Variants in NUP214 observed in about 807,000 individuals in gnomAD.
NUP214 encodes the protein nuclear pore complex protein Nup214.
Under a neutral mutation model 196.2 loss-of-function variants are expected in NUP214, and 79 were observed. The observed-to-expected ratio is 0.40, with a 90% CI of 0.34 to 0.49. The LOEUF is 0.49. Among genes scored for constraint, NUP214 ranks in the 20% least tolerant of loss-of-function variants. NUP214 has a pLI of 0.58. For missense variants in NUP214, 2,468 were observed against 2,539.0 expected (o/e 0.97, Z 0.60); for synonymous variants, 1,020 against 990.5 (o/e 1.03, Z -0.56).
At chr9:131,160,117 C>T (rs1042520772) in intron 18 of NUP214, among the ~76,000 whole-genome samples, 4 of 151,422 alleles carry the variant, frequency 2.6e-5, no homozygotes, top group Non-Finnish European at 5.9e-5. Flanking sequence ...CTAGCATGTT[C>T]TCCAATAAAT....
intron 21 of NUP214, among the ~76,000 whole-genome samples, chr9:131,166,374 ATTTAC>A (rs1832786936): frequency 6.6e-6 from 1 of 152,168 alleles, no homozygotes; most frequent in Admixed American, 6.5e-5. Flanking sequence ...GATTTATGTA[ATTTAC>A]TTATTCATTC....
intron 4 of NUP214, 51 bp downstream of exon 4, chr9:131,129,528 TAAG>T (rs1436787939): frequency 2.6e-6 from 4 of 1,532,554 alleles, no homozygotes; most frequent in Middle Eastern, 1.7e-4. Context: ...GTCATCTACT[TAAG>T]AATTGATTTC....
intron 17 of NUP214, among the ~76,000 whole-genome samples, chr9:131,154,327 C>T (rs952694626): frequency 1.3e-5 from 2 of 152,034 alleles, no homozygotes; most frequent in African/African-American, 4.8e-5. Flanking sequence ...ACCCATCATC[C>T]AAGCAGTGTA....
intron 18 of NUP214, among the ~76,000 whole-genome samples, chr9:131,160,448 CAT>C (rs1177326143): frequency 6.6e-6 from 1 of 152,108 alleles, no homozygotes; most frequent in Non-Finnish European, 1.5e-5. Flanking sequence ...AACCTTTTAG[CAT>C]AGTTTTTTAT....
chr9:131,224,931 T>C (rs1462382389), intron 32 of NUP214, among the ~76,000 whole-genome samples: 1 of 152,232 alleles, frequency 6.6e-6, no homozygotes, highest in Non-Finnish European at 1.5e-5. Context: ...CTTAACGGTT[T>C]TCCTATATAT....
intron 31 of NUP214, among the ~76,000 whole-genome samples, chr9:131,217,376 T>G (rs1834433022): frequency 6.6e-6 from 1 of 152,226 alleles, no homozygotes; most frequent in South Asian, 2.1e-4. Flanking sequence ...TCTAGTAGTT[T>G]TCAAAAACTG....
intron 32 of NUP214, among the ~76,000 whole-genome samples, chr9:131,223,662 C>T (rs71501192): frequency 2.1e-5 from 3 of 142,116 alleles, no homozygotes; most frequent in African/African-American, 7.8e-5. Flanking sequence ...TGTTTAATTT[C>T]TAATGTGTAT....
At chr9:131,219,817 T>C (rs1438688799) in intron 31 of NUP214, among the ~76,000 whole-genome samples, 1 of 152,228 alleles carries the variant, frequency 6.6e-6, no homozygotes, top group Non-Finnish European at 1.5e-5. Flanking sequence ...TCTACAACTG[T>C]TCTTTAAGAA....
intron 27 of NUP214, among the ~76,000 whole-genome samples, chr9:131,193,424 C>T (rs1833668665): frequency 1.3e-5 from 2 of 151,702 alleles, no homozygotes; most frequent in Admixed American, 1.3e-4. Flanking sequence ...TGTCCTTCAG[C>T]CTAAGGAGAA....
intron 10 of NUP214, among the ~76,000 whole-genome samples, chr9:131,140,267 C>T (rs1831867192): frequency 6.6e-6 from 1 of 152,196 alleles, no homozygotes; most frequent in African/African-American, 2.4e-5. Flanking sequence ...CTGAGACACT[C>T]ATAAAAACTG....
chr9:131,140,803 G>A, intron 11 of NUP214, 93 bp downstream of exon 11: 1 of 1,280,776 alleles, frequency 7.8e-7, no homozygotes, highest in South Asian at 1.4e-5. Context: ...GACACATAGT[G>A]ATTATCTTTA....
chr9:131,149,967 C>T (rs889321112), intron 14 of NUP214: 5 of 164,206 alleles, frequency 3.0e-5, no homozygotes, highest in African/African-American at 7.2e-5. Flanking sequence ...GATGGCAGCC[C>T]GCAGTGAGGG....
intron 14 of NUP214, among the ~76,000 whole-genome samples, chr9:131,149,421 C>A (rs1162113521): frequency 2.7e-5 from 4 of 150,120 alleles, no homozygotes; most frequent in Admixed American, 6.7e-5. Flanking sequence ...ACTAACAAAC[C>A]AGATGTTTGC....
At chr9:131,138,834 A>C (rs1296204295) in intron 9 of NUP214, among the ~76,000 whole-genome samples, 1 of 152,172 alleles carries the variant, frequency 6.6e-6, no homozygotes, top group Non-Finnish European at 1.5e-5. Context: ...CCAGCCTTAC[A>C]TGCTTCTCTG....
At chr9:131,199,300 A>G (rs1171648784) in intron 29 of NUP214, among the ~76,000 whole-genome samples, 3 of 152,198 alleles carry the variant, frequency 2.0e-5, no homozygotes, top group Admixed American at 2.0e-4. Context: ...TCTTTAGTTG[A>G]GGTCCTGCCA....
At chr9:131,220,821 G>A (rs1353955073) in intron 31 of NUP214, among the ~76,000 whole-genome samples, 1 of 152,160 alleles carries the variant, frequency 6.6e-6, no homozygotes, top group Non-Finnish European at 1.5e-5. Flanking sequence ...ATGCCATAAA[G>A]ATTTTAAAGT....
chr9:131,146,268 G>A lies in NUP214; in HGVS notation c.1909G>A (p.Val637Met), dbSNP rs371523799. Residue 637 changes from valine (V) to methionine (M), a missense_variant, in exon 13 of 36, where the codon GTG (valine) becomes ATG (methionine). Val to Met is a conservative substitution (Grantham distance 21). This residue lies in a region of NUP214 where 1,801 missense variants were observed against 1,779.4 expected (regional missense o/e 1.01). Transcript: ENST00000359428. This position sits in a 1 kb window ranked among gnomAD's most constrained non-coding sequence, Gnocchi z 4.6. ...ACCTCTCTCAGCACCACCTAGTTCCGTGCCATTGAAGTCCTCAGTCTTGCC... is the reference window on the plus strand; with the variant it reads ...ACCTCTCTCAGCACCACCTAGTTCCATGCCATTGAAGTCCTCAGTCTTGCC... ...PTPLSAPPSS[V>M]PLKSSVLPSP... is the part of the protein sequence containing the mutation. 5.3e-5 allele frequency: 85 copies of A among 1,614,084 alleles called. No homozygotes were observed. The highest frequency in any genetic ancestry group is 8.0e-5 in the African/African-American group (6 of 75,012).
chr9:131,133,123 A>G lies in NUP214; in HGVS notation c.745A>G (p.Ile249Val), dbSNP rs1831609076. The G allele has an allele frequency of 6.2e-7, 1 of 1,611,514 alleles. No individual in the cohort carries two copies. The highest frequency in any genetic ancestry group is 1.3e-5 in the African/African-American group (1 of 74,618). ...HPVRVLDVLW[I>V]GTYVFAIVYA... ...TCTTTCAGTTCTGGATGTGCTGTGGATTGGTACCTACGTCTTCGCCATAGT... is the reference window on the plus strand; with the variant it reads ...TCTTTCAGTTCTGGATGTGCTGTGGGTTGGTACCTACGTCTTCGCCATAGT... The change falls in exon 7 of 36, where the codon ATT (isoleucine) becomes GTT (valine). Residue 249 changes from isoleucine (I) to valine (V), a missense_variant. This residue lies in a region of NUP214 where 392 missense variants were observed against 417.9 expected (regional missense o/e 0.94). Coordinates refer to ENST00000359428, the MANE Select transcript of NUP214 (RefSeq NM_005085.4).
At chr9:131,153,995 G>T (rs1460864844) in intron 17 of NUP214, among the ~76,000 whole-genome samples, 1 of 152,164 alleles carries the variant, frequency 6.6e-6, no homozygotes, top group Non-Finnish European at 1.5e-5. Context: ...AAGAAGAATT[G>T]TTTTTGGCTG....
Sources: allele counts gnomAD v4.1 joint callset (sites outside exome capture counted in the v4.1 genomes callset), GRCh38; gene constraint gnomAD v4.1.1; regional missense constraint gnomAD v4.1.1; non-coding constraint Gnocchi (gnomAD v3.1); transcripts MANE v1.5; gene names NCBI Gene and HGNC (gene_info 2026-07-23, HGNC 2026-07-21).